The following ARHGAP24 variants were observed in gnomAD, a reference collection of about 807,000 sequenced individuals.
ARHGAP24 encodes rho GTPase-activating protein 24.
In ARHGAP24, 50 loss-of-function variants were observed where a neutral mutation model predicts 76.4. The observed-to-expected ratio is 0.65, with a 90% CI of 0.52 to 0.83. The LOEUF is 0.83. ARHGAP24 is among the 40% of genes least tolerant of loss of function. The pLI is 0.00. For synonymous variants in ARHGAP24, 345 were observed against 323.3 expected, an observed-to-expected ratio of 1.07 and a Z score of -0.72; for missense variants, 930 against 914.2, an observed-to-expected ratio of 1.02 and a Z score of -0.22.
intron 3 of ARHGAP24, among the ~76,000 whole-genome samples, chr4:85,814,377 A>G (rs1015133669): frequency 6.6e-6 from 1 of 152,142 alleles, no homozygotes; most frequent in African/African-American, 2.4e-5. Context: ...TTCCACCTAT[A>G]AGCCTGTAAA....
chr4:85,531,016 CCAGATGGCTGATTTT>C (rs1725235613), intron 1 of ARHGAP24, among the ~76,000 whole-genome samples: 5 of 152,120 alleles, frequency 3.3e-5, no homozygotes, highest in African/African-American at 1.2e-4. Flanking sequence ...ATGACATAAG[CCAGATGGCTGATTTT>C]CTATTTTTGT....
intron 2 of ARHGAP24, among the ~76,000 whole-genome samples, chr4:85,634,128 C>G: frequency 6.6e-6 from 1 of 151,678 alleles, no homozygotes; most frequent in Non-Finnish European, 1.5e-5. Context: ...TTATTTAGTC[C>G]CCTTTCAATC....
At chr4:85,935,532 A>T (rs1736583163) in intron 4 of ARHGAP24, among the ~76,000 whole-genome samples, 1 of 152,230 alleles carries the variant, frequency 6.6e-6, no homozygotes. Flanking sequence ...CCTTGGAAAA[A>T]ATTATGTTTG....
Position 85,534,803 on chromosome 4 carries a change from G to A in ARHGAP24, c.-20-35719G>A, listed in dbSNP as rs572409926. 3.9e-5 allele frequency among the ~76,000 whole-genome samples: 6 copies of A among 152,102 alleles called. No homozygotes were observed. In the South Asian group the frequency reaches 1.0e-3, roughly 26 times the overall value. On this transcript the variant is annotated intron_variant, in intron 1 of 9. Coordinates refer to ENST00000395184, the MANE Select transcript of ARHGAP24 (RefSeq NM_001025616.3). The stretch of plus-strand genomic sequence containing the variant: ...CTTCTCTAACCTAATGGAAGTGGAA[G>A]TCACTAGCAGTGGCCTCAAGGCAGT...
intron 3 of ARHGAP24, among the ~76,000 whole-genome samples, chr4:85,915,056 CTATCAGAAGAATGTAA>C (rs1735301910): frequency 6.6e-6 from 1 of 152,140 alleles, no homozygotes. Flanking sequence ...TTGGAAGATT[CTATCAGAAGAATGTAA>C]TTACATACTG....
At chr4:85,485,573 A>C (rs529775244) in intron 1 of ARHGAP24, among the ~76,000 whole-genome samples, 1 of 150,906 alleles carries the variant, frequency 6.6e-6, no homozygotes, top group Non-Finnish European at 1.5e-5. Context: ...CTCTAATCCT[A>C]CCTCTGGTAT....
chr4:85,525,033 G>A (rs1724926231), intron 1 of ARHGAP24, among the ~76,000 whole-genome samples: 1 of 152,044 alleles, frequency 6.6e-6, no homozygotes, highest in Non-Finnish European at 1.5e-5. Flanking sequence ...TTTTGTGATG[G>A]AAGATCCTTA....
chr4:85,976,134 T>G (rs896531069), intron 7 of ARHGAP24, among the ~76,000 whole-genome samples: 6 of 152,202 alleles, frequency 3.9e-5, no homozygotes, highest in African/African-American at 7.2e-5. Context: ...ATATTGTAAG[T>G]CTTTATCTCC....
chr4:85,726,299 T>C (rs1725163218), intron 3 of ARHGAP24, among the ~76,000 whole-genome samples: 1 of 152,202 alleles, frequency 6.6e-6, no homozygotes, highest in South Asian at 2.1e-4. Context: ...TATTTACATC[T>C]ATCTATAATC....
chr4:85,674,536 A>G (rs1054814545), intron 2 of ARHGAP24, among the ~76,000 whole-genome samples: 1 of 152,228 alleles, frequency 6.6e-6, no homozygotes, highest in Non-Finnish European at 1.5e-5. Context: ...TAACTTATCT[A>G]AGTCAATTTG....
At chr4:85,631,609 A>G (rs996862341) in intron 2 of ARHGAP24, among the ~76,000 whole-genome samples, 1 of 152,104 alleles carries the variant, frequency 6.6e-6, no homozygotes, top group African/African-American at 2.4e-5. Flanking sequence ...AAATAGATTC[A>G]ATGTTCACTT....
chr4:85,679,482 A>G (rs1379806795), intron 2 of ARHGAP24, among the ~76,000 whole-genome samples: 1 of 152,058 alleles, frequency 6.6e-6, no homozygotes, highest in Non-Finnish European at 1.5e-5. Flanking sequence ...GATGAAAATC[A>G]TTTCTTCAGA....
chr4:85,646,993 T>C (rs75808276), intron 2 of ARHGAP24, among the ~76,000 whole-genome samples: 3,731 of 152,174 alleles, frequency 0.025, 166 homozygotes, highest in African/African-American at 0.085. Context: ...ATCTGGTAAG[T>C]CAAGCAACTA....
rs548105943 is a variant in ARHGAP24 at position 85,946,181 on chromosome 4, G to A, written c.599+3908G>A. Reference sequence around the variant, plus strand: ...CATGATTCAACCACCTCCCACCAGGGTCCTCCCGTGACATGTGGGAATTGT... The same window carrying A: ...CATGATTCAACCACCTCCCACCAGGATCCTCCCGTGACATGTGGGAATTGT... On this transcript the variant is annotated intron_variant, in intron 5 of 9. Transcript: ENST00000395184. Among the ~76,000 whole-genome samples the A allele has an allele frequency of 4.6e-5, 7 of 152,270 alleles. No individual in the cohort carries two copies. The East Asian group carries it at 1.4e-3, about 29-fold the overall frequency.
intron 3 of ARHGAP24, among the ~76,000 whole-genome samples, chr4:85,851,547 C>T (rs145559532): frequency 1.8e-4 from 28 of 152,252 alleles, no homozygotes; most frequent in Non-Finnish European, 3.1e-4. Flanking sequence ...CTAGCATCAA[C>T]GGTCTTTACA....
At chr4:85,668,738 T>G (rs564720426) in intron 2 of ARHGAP24, among the ~76,000 whole-genome samples, 2 of 152,264 alleles carry the variant, frequency 1.3e-5, no homozygotes, top group African/African-American at 2.4e-5. Flanking sequence ...GGCCTCATGA[T>G]CCAATCCACG....
intron 1 of ARHGAP24, among the ~76,000 whole-genome samples, chr4:85,521,555 C>G (rs1724755408): frequency 7.4e-6 from 1 of 136,034 alleles, no homozygotes; most frequent in Non-Finnish European, 1.6e-5. Context: ...CAACTGGAAA[C>G]CTTGCAACAA....
At chr4:85,553,008 G>A (rs1273540006) in intron 1 of ARHGAP24, among the ~76,000 whole-genome samples, 2 of 152,062 alleles carry the variant, frequency 1.3e-5, no homozygotes, top group Non-Finnish European at 2.9e-5. Context: ...AAGGTGGTGT[G>A]TCCAGAGTTG....
At chr4:85,960,127 A>G (rs1242970395) in intron 5 of ARHGAP24, among the ~76,000 whole-genome samples, 1 of 152,200 alleles carries the variant, frequency 6.6e-6, no homozygotes, top group Non-Finnish European at 1.5e-5. Flanking sequence ...CAACAATCTT[A>G]TATTCCAACA....
Sources: gnomAD v4.1 joint callset for allele counts (sites outside exome capture counted in the v4.1 genomes callset) on GRCh38, gnomAD v4.1.1 for gene constraint, MANE v1.5 for transcripts, NCBI Gene and HGNC (gene_info 2026-07-23, HGNC 2026-07-21) for gene names.